The following IGF2BP3 variants were observed in gnomAD, a reference collection of about 807,000 sequenced individuals.
IGF2BP3 encodes the protein insulin-like growth factor 2 mRNA-binding protein 3.
A neutral mutation model predicts 73.8 loss-of-function variants in IGF2BP3; 9 were observed. That is an observed-to-expected ratio of 0.12 (90% CI 0.07 to 0.21). The LOEUF is 0.21. Ranked by LOEUF, IGF2BP3 falls within the 10% of genes least tolerant of loss-of-function variation. The pLI is 1.00. For missense variants in IGF2BP3, 542 were observed against 714.0 expected, an observed-to-expected ratio of 0.76 and a Z score of 2.75; for synonymous variants, 258 against 256.7, an observed-to-expected ratio of 1.01 and a Z score of -0.05.
chr7:23,390,971 G>T (rs1261822297), intron 3 of IGF2BP3, among the ~76,000 whole-genome samples: 1 of 150,574 alleles, frequency 6.6e-6, no homozygotes, highest in Admixed American at 6.6e-5. Context: ...CTAATTTTTT[G>T]TATTTTTAGT....
rs1416871281 is a variant in IGF2BP3, at chr7:23,355,013, A to G, written c.402-3427T>C. Among the ~76,000 whole-genome samples, 5 of 152,196 alleles carry G rather than the reference A, an allele frequency of 3.3e-5. No homozygotes were observed. In the South Asian group the frequency reaches 6.2e-4, roughly 19 times the overall value. On this transcript the variant is annotated intron_variant, in intron 5 of 14. Coordinates refer to ENST00000258729, the MANE Select transcript of IGF2BP3 (RefSeq NM_006547.3). ...CAACTACTAGAATCTTTCTAGGCACAAAGTTTGTTATTCATCTATGTCATA... is the reference window on the plus strand; with the variant it reads ...CAACTACTAGAATCTTTCTAGGCACGAAGTTTGTTATTCATCTATGTCATA...
At chr7:23,455,013 A>C (rs1391867687) in intron 2 of IGF2BP3, among the ~76,000 whole-genome samples, 1 of 152,192 alleles carries the variant, frequency 6.6e-6, no homozygotes, top group Non-Finnish European at 1.5e-5. Context: ...ACTCCATGAA[A>C]TGTTTTGGGA....
intron 3 of IGF2BP3, among the ~76,000 whole-genome samples, chr7:23,407,213 T>G (rs938802087): frequency 5.4e-5 from 8 of 149,332 alleles, no homozygotes; most frequent in African/African-American, 1.7e-4. Flanking sequence ...AAGAAACAAC[T>G]TGGATGAAAT....
chr7:23,342,001 G>A lies in IGF2BP3; in HGVS notation c.1203+63C>T, dbSNP rs376040708. On this transcript the variant is annotated intron_variant, in intron 10 of 14. Transcript: ENST00000258729. ...TTGGCATCTAAACAGATGATCACGC[G>A]GGGACTAGGTTTACATTAAGATTTT... 101 of 1,460,322 alleles carry A rather than the reference G, an allele frequency of 6.9e-5. No homozygotes were observed. The African/African-American group carries it at 1.0e-3, about 15-fold the overall frequency. The allele number at this position is 1,460,322 out of a possible 1,614,324, so 90.5% of individuals were successfully genotyped here.
chr7:23,373,360 T>C (rs990550337), intron 3 of IGF2BP3, among the ~76,000 whole-genome samples: 1 of 152,176 alleles, frequency 6.6e-6, no homozygotes, highest in African/African-American at 2.4e-5. Context: ...GTCGCTTTGG[T>C]GGGGTCTCTC....
At chr7:23,356,012 T>C (rs1339001852) in intron 5 of IGF2BP3, among the ~76,000 whole-genome samples, 1 of 150,906 alleles carries the variant, frequency 6.6e-6, no homozygotes, top group East Asian at 1.9e-4. Context: ...CAATAAATAG[T>C]TCAACTTGAG....
At chr7:23,323,725 T>A (rs1195470720) in intron 10 of IGF2BP3, among the ~76,000 whole-genome samples, 2 of 152,286 alleles carry the variant, frequency 1.3e-5, no homozygotes, top group East Asian at 1.9e-4. Context: ...ACTATCTCTC[T>A]GACCACAGTG....
chr7:23,339,309 T>C (rs556373150), intron 10 of IGF2BP3, among the ~76,000 whole-genome samples: 342 of 152,362 alleles, frequency 2.2e-3, no homozygotes, highest in African/African-American at 7.9e-3. Context: ...ATTTAAGTCA[T>C]TCAGACATTT....
At chr7:23,417,305 T>A (rs1787219324) in intron 3 of IGF2BP3, among the ~76,000 whole-genome samples, 1 of 152,234 alleles carries the variant, frequency 6.6e-6, no homozygotes, top group South Asian at 2.1e-4. Flanking sequence ...GTGCTCTTGC[T>A]TAATTAACTT....
chr7:23,316,742 C>T (rs1163784930), intron 12 of IGF2BP3, among the ~76,000 whole-genome samples: 1 of 148,508 alleles, frequency 6.7e-6, no homozygotes, highest in Non-Finnish European at 1.5e-5. Flanking sequence ...TCTTCTTACA[C>T]AGCCACTAAA....
At chr7:23,462,020 C>A (rs1788460432) in intron 2 of IGF2BP3, among the ~76,000 whole-genome samples, 1 of 152,190 alleles carries the variant, frequency 6.6e-6, no homozygotes, top group African/African-American at 2.4e-5. Context: ...AAAAAAACTC[C>A]AGCTTCTTCT....
At chr7:23,456,590 A>T (rs1405572202) in intron 2 of IGF2BP3, among the ~76,000 whole-genome samples, 2 of 152,254 alleles carry the variant, frequency 1.3e-5, no homozygotes, top group African/African-American at 2.4e-5. Context: ...TGAAATGGGC[A>T]AAGACTTGTC....
chr7:23,322,724 C>T (rs1784191555), intron 10 of IGF2BP3, among the ~76,000 whole-genome samples: 1 of 152,182 alleles, frequency 6.6e-6, no homozygotes. Flanking sequence ...GCAGATCTCT[C>T]AGCAGAAACT....
chr7:23,424,434 T>C (rs917877680), intron 2 of IGF2BP3, among the ~76,000 whole-genome samples: 2 of 151,916 alleles, frequency 1.3e-5, no homozygotes, highest in Admixed American at 6.6e-5. Context: ...GAGGCGGACA[T>C]TGCAGTGAGC....
chr7:23,422,176 G>A (rs568709215), intron 2 of IGF2BP3, among the ~76,000 whole-genome samples: 4 of 152,090 alleles, frequency 2.6e-5, no homozygotes, highest in Non-Finnish European at 5.9e-5. Context: ...TTTGGAGGGT[G>A]TATATATTAC....
chr7:23,315,227 C>T (rs1038397659), intron 12 of IGF2BP3, among the ~76,000 whole-genome samples: 4 of 152,058 alleles, frequency 2.6e-5, no homozygotes, highest in South Asian at 2.1e-4. Flanking sequence ...CCTGCCTCAG[C>T]CTCCTAAGTA....
At chr7:23,340,839 TTTTC>T (rs1338408410) in intron 10 of IGF2BP3, among the ~76,000 whole-genome samples, 8 of 150,036 alleles carry the variant, frequency 5.3e-5, no homozygotes, top group African/African-American at 7.5e-5. Flanking sequence ...ATTTCTTTCT[TTTTC>T]TTTTTCTTTT....
At chr7:23,398,942 G>T (rs374025795) in intron 3 of IGF2BP3, among the ~76,000 whole-genome samples, 2 of 152,010 alleles carry the variant, frequency 1.3e-5, no homozygotes, top group South Asian at 2.1e-4. Flanking sequence ...TTTTGGCTTT[G>T]GTTGCCATTG....
Position 23,390,800 on chromosome 7 carries a change from CTTTT to C in IGF2BP3, c.285+27972_285+27975del, listed in dbSNP as rs1162886168. ...TTTGTCACCTTGGATTTATTGTTGC[CTTTT>C]TTTTTTTTTTTTGAGACAGAGTCTC... is the stretch of plus-strand genomic sequence containing the variant. On this transcript the variant is annotated intron_variant, in intron 3 of 14. Coordinates refer to ENST00000258729, the MANE Select transcript of IGF2BP3 (RefSeq NM_006547.3). Among the ~76,000 whole-genome samples, 129 of 135,432 alleles carry C rather than the reference CTTTT, an allele frequency of 9.5e-4. 1 individual carries two copies. The highest frequency in any genetic ancestry group is 1.7e-3 in the Non-Finnish European group (108 of 62,714). The allele number at this position is 135,432 out of a possible 152,430, so 88.8% of individuals were successfully genotyped here. A position where few individuals can be genotyped will look rare whatever the true frequency, so the allele number is the denominator to read the frequency against.
Sources: gnomAD v4.1 joint callset for allele counts (sites outside exome capture counted in the v4.1 genomes callset) on GRCh38, gnomAD v4.1.1 for gene constraint, MANE v1.5 for transcripts, NCBI Gene and HGNC (gene_info 2026-07-23, HGNC 2026-07-21) for gene names.